Variants in CSMD1 observed in about 807,000 individuals in gnomAD.
The protein encoded by CSMD1 is CUB and sushi domain-containing protein 1.
Under a neutral mutation model 417.5 loss-of-function variants are expected in CSMD1, and 213 were observed. The observed-to-expected ratio is 0.51, with a 90% CI of 0.46 to 0.57. CSMD1 has a LOEUF of 0.57. Ranked by LOEUF, CSMD1 falls within the 20% of genes least tolerant of loss-of-function variation. The pLI, the probability that CSMD1 is intolerant of heterozygous loss-of-function variation, is 0.00. For synonymous variants in CSMD1, 2,862 were observed against 1,736.8 expected, an observed-to-expected ratio of 1.65 and a Z score of -16.11; for missense variants, 6,923 against 4,529.7, an observed-to-expected ratio of 1.53 and a Z score of -15.17.
At chr8:4,385,853 A>T (rs906855819) in intron 3 of CSMD1, among the ~76,000 whole-genome samples, 1 of 152,300 alleles carries the variant, frequency 6.6e-6, no homozygotes, top group South Asian at 2.1e-4. Flanking sequence ...TAAAATCTGG[A>T]TATTTAAAAA....
At chr8:3,708,266 C>A (rs1380333726) in intron 7 of CSMD1, 148 bp downstream of exon 7, 3 of 658,326 alleles carry the variant, frequency 4.6e-6, no homozygotes, top group African/African-American at 1.8e-5. Flanking sequence ...AGTGCATGTT[C>A]TTTCTCCCAG....
intron 4 of CSMD1, among the ~76,000 whole-genome samples, chr8:4,031,393 A>G (rs902325238): frequency 6.6e-6 from 1 of 152,150 alleles, no homozygotes; most frequent in Non-Finnish European, 1.5e-5. Flanking sequence ...GCAAAGAGAG[A>G]GCTTGTGCAG....
chr8:3,484,497 T>G (rs1038148710), intron 11 of CSMD1, among the ~76,000 whole-genome samples: 4 of 152,176 alleles, frequency 2.6e-5, no homozygotes, highest in Non-Finnish European at 5.9e-5. Flanking sequence ...GGAATATGTA[T>G]AGAAGGACTC....
At chr8:3,810,152 C>T (rs1800982451) in intron 5 of CSMD1, among the ~76,000 whole-genome samples, 1 of 152,174 alleles carries the variant, frequency 6.6e-6, no homozygotes, top group Non-Finnish European at 1.5e-5. Context: ...AACTGACTAT[C>T]ATAGTGCCAG....
At chr8:4,785,709 A>C (rs184734304) in intron 1 of CSMD1, among the ~76,000 whole-genome samples, 1 of 152,252 alleles carries the variant, frequency 6.6e-6, no homozygotes, top group Admixed American at 6.5e-5. Context: ...AGGGAGGATC[A>C]CCCTTTATAA....
At chr8:4,946,306 A>C (rs7832847) in intron 1 of CSMD1, among the ~76,000 whole-genome samples, 3 of 151,946 alleles carry the variant, frequency 2.0e-5, no homozygotes, top group South Asian at 4.1e-4. Context: ...ACCTCAATCA[A>C]TTAATATGAC....
intron 3 of CSMD1, among the ~76,000 whole-genome samples, chr8:4,152,601 G>A (rs1563193349): frequency 6.6e-6 from 1 of 151,816 alleles, no homozygotes; most frequent in Non-Finnish European, 1.5e-5. Context: ...TAAGTGGGAA[G>A]ATCGTTTGAG....
chr8:3,750,920 T>C (rs1797306180), intron 6 of CSMD1, among the ~76,000 whole-genome samples: 1 of 152,174 alleles, frequency 6.6e-6, no homozygotes. Flanking sequence ...GTAGTGCCTT[T>C]CTGCGTACTG....
intron 10 of CSMD1, among the ~76,000 whole-genome samples, chr8:3,557,391 A>T (rs1298356855): frequency 5.3e-5 from 8 of 152,138 alleles, no homozygotes. Context: ...TTTATTCGTG[A>T]CCATTTATGG....
chr8:3,634,446 G>A (rs566403408), intron 7 of CSMD1, among the ~76,000 whole-genome samples: 8 of 152,294 alleles, frequency 5.3e-5, no homozygotes, highest in African/African-American at 1.9e-4. Flanking sequence ...ATTCCTGGGA[G>A]AATTAATGCT....
intron 3 of CSMD1, among the ~76,000 whole-genome samples, chr8:4,302,600 G>C (rs148291398): frequency 6.6e-6 from 1 of 152,114 alleles, no homozygotes; most frequent in Non-Finnish European, 1.5e-5. Context: ...ACCGTAAGGG[G>C]ATTCTCTCCT....
intron 3 of CSMD1, among the ~76,000 whole-genome samples, chr8:4,152,174 G>A (rs965813274): frequency 1.3e-5 from 2 of 152,044 alleles, no homozygotes; most frequent in East Asian, 1.9e-4. Flanking sequence ...TAAAACTGTA[G>A]CTAACATAGT....
intron 3 of CSMD1, among the ~76,000 whole-genome samples, chr8:4,089,822 T>C (rs768733835): frequency 1.3e-5 from 2 of 152,088 alleles, no homozygotes; most frequent in Non-Finnish European, 2.9e-5. Context: ...TCTTGGAGGG[T>C]GAGAGCTGAG....
intron 3 of CSMD1, among the ~76,000 whole-genome samples, chr8:4,101,705 C>T (rs1020076241): frequency 6.6e-6 from 1 of 152,138 alleles, no homozygotes; most frequent in Non-Finnish European, 1.5e-5. Flanking sequence ...ATTGAGTAAT[C>T]AAACCACATT....
chr8:3,643,640 G>A (rs1282409437), intron 7 of CSMD1, among the ~76,000 whole-genome samples: 2 of 146,494 alleles, frequency 1.4e-5, no homozygotes, highest in Non-Finnish European at 3.0e-5. Flanking sequence ...GGTGGAGCTT[G>A]CAGTGAGCCG....
At chr8:3,618,584 C>T (rs1365100681) in intron 7 of CSMD1, among the ~76,000 whole-genome samples, 1 of 151,706 alleles carries the variant, frequency 6.6e-6, no homozygotes, top group Admixed American at 6.6e-5. Context: ...TCAAAATAAT[C>T]CAGCAAGTTT....
intron 15 of CSMD1, among the ~76,000 whole-genome samples, chr8:3,404,750 ATATG>A (rs1450000244): frequency 6.6e-5 from 10 of 151,180 alleles, no homozygotes; most frequent in African/African-American, 2.2e-4. Context: ...TTATCATGAG[ATATG>A]TATGTATTTA....
chr8:3,696,307 C>G (rs570646120), intron 7 of CSMD1, among the ~76,000 whole-genome samples: 1 of 152,310 alleles, frequency 6.6e-6, no homozygotes, highest in South Asian at 2.1e-4. Context: ...AAATATGGTG[C>G]CTTCCATCTC....
chr8:3,688,060 T>C (rs543326194), intron 7 of CSMD1, among the ~76,000 whole-genome samples: 2 of 152,376 alleles, frequency 1.3e-5, no homozygotes, highest in South Asian at 4.1e-4. Flanking sequence ...TGCATCTGCT[T>C]TTTGTTCCTC....
Sources: allele counts gnomAD v4.1 joint callset (sites outside exome capture counted in the v4.1 genomes callset), GRCh38; gene constraint gnomAD v4.1.1; transcripts MANE v1.5; gene names NCBI Gene and HGNC (gene_info 2026-07-23, HGNC 2026-07-21).